The following CUL1 variants were observed in gnomAD, a reference collection of about 807,000 sequenced individuals.
CUL1 encodes the protein cullin 1, also known as cullin-1.
A neutral mutation model predicts 118.0 loss-of-function variants in CUL1; 24 were observed. That is an observed-to-expected ratio of 0.20 (90% CI 0.15 to 0.29). The LOEUF is 0.29. Ranked by LOEUF, CUL1 falls within the 10% of genes least tolerant of loss-of-function variation. CUL1 has a pLI of 1.00. For synonymous variants in CUL1, 332 were observed against 340.4 expected (o/e 0.98, Z 0.27); for missense variants, 361 against 933.8 (o/e 0.39, Z 7.99).
intron 9 of CUL1, among the ~76,000 whole-genome samples, chr7:148,771,103 ATG>A (rs1800195574): frequency 6.6e-6 from 1 of 152,194 alleles, no homozygotes; most frequent in Admixed American, 6.5e-5. Context: ...AAGTGCAAAA[ATG>A]TGTAATATCA....
At chr7:148,731,972 A>G (rs1798778205) in intron 2 of CUL1, among the ~76,000 whole-genome samples, 1 of 152,186 alleles carries the variant, frequency 6.6e-6, no homozygotes. Context: ...ATACCACTGT[A>G]AACATTGTGT....
chr7:148,759,333 G>T lies in CUL1; in HGVS notation c.513G>T (p.Leu171=). Residue 171 remains leucine (L), a synonymous_variant, in exon 5 of 22, where the codon CTG becomes CTT. Coordinates refer to ENST00000325222, the MANE Select transcript of CUL1 (RefSeq NM_003592.3). ...CATTGGTGACTTGGAGAGACTGTCT[G>T]TTCAGGCCACTGAATAAACAGGTAC... The part of the protein sequence containing the change: ...SLALVTWRDC[L]FRPLNKQVTN... 1.2e-6 allele frequency: 2 copies of T among 1,614,006 alleles called. No homozygotes were observed. The highest frequency in any genetic ancestry group is 2.7e-5 in the African/African-American group (2 of 75,038).
intron 2 of CUL1, among the ~76,000 whole-genome samples, chr7:148,740,301 T>C (rs1389045901): frequency 1.3e-5 from 2 of 152,168 alleles, no homozygotes; most frequent in Non-Finnish European, 2.9e-5. Flanking sequence ...GTAATCCACC[T>C]ACCTCGGCCT....
chr7:148,798,054 C>A, intron 19 of CUL1, 35 bp downstream of exon 19: 1 of 1,263,868 alleles, frequency 7.9e-7, no homozygotes, highest in African/African-American at 1.5e-5. Context: ...GGCCCTTGAC[C>A]ATAGACACGT....
chr7:148,799,376 C>T lies in CUL1; in HGVS notation c.2238C>T (p.Val746=). The T allele has an allele frequency of 6.2e-7, 1 of 1,608,794 alleles. No homozygotes were observed. The highest frequency in any genetic ancestry group is 8.5e-7 in the Non-Finnish European group (1 of 1,175,154). ...TQLSSRFKPR[V]PVIKKCIDIL... is the part of the protein sequence containing the mutation. ...TGTCCTCCAGGTTCAAACCTCGAGTCCCTGTGATCAAGGTACAGGACTTTA... is the reference window on the plus strand; with the variant it reads ...TGTCCTCCAGGTTCAAACCTCGAGTTCCTGTGATCAAGGTACAGGACTTTA... Residue 746 remains valine (V), a synonymous_variant, in exon 21 of 22, where the codon GTC becomes GTT. Transcript: ENST00000325222.
At chr7:148,755,813 C>A (rs243480) in intron 3 of CUL1, among the ~76,000 whole-genome samples, 37,289 of 152,100 alleles carry the variant, frequency 0.25, 5,481 homozygotes, top group South Asian at 0.35. Context: ...AAGAGATGAT[C>A]CGGTTTTTAC....
chr7:148,703,207 A>G (rs1797773786), intron 1 of CUL1, among the ~76,000 whole-genome samples: 1 of 152,240 alleles, frequency 6.6e-6, no homozygotes, highest in Non-Finnish European at 1.5e-5. Flanking sequence ...GGCAGAATTC[A>G]TTATGCAGAA....
chr7:148,772,137 G>A (rs561938346), intron 9 of CUL1, among the ~76,000 whole-genome samples: 18 of 152,192 alleles, frequency 1.2e-4, no homozygotes, highest in South Asian at 4.1e-4. Flanking sequence ...ATTCAGGTCC[G>A]GGCGCAGTGG....
At chr7:148,718,689 T>C (rs145753968) in intron 1 of CUL1, among the ~76,000 whole-genome samples, 24 of 149,656 alleles carry the variant, frequency 1.6e-4, no homozygotes, top group Admixed American at 8.7e-4. Context: ...CTGTGAACAT[T>C]CATGTACAAG....
intron 2 of CUL1, among the ~76,000 whole-genome samples, chr7:148,733,267 G>C (rs115197724): frequency 0.012 from 1,815 of 152,270 alleles, 37 homozygotes; most frequent in African/African-American, 0.041. Flanking sequence ...CAATGTATTA[G>C]GGTAGAAGTG....
At chr7:148,702,200 CAG>C (rs1403632703) in intron 1 of CUL1, among the ~76,000 whole-genome samples, 1 of 152,134 alleles carries the variant, frequency 6.6e-6, no homozygotes, top group African/African-American at 2.4e-5. Flanking sequence ...ACACTATAAA[CAG>C]AATTATTATA....
At chr7:148,748,471 C>G (rs1381065789) in intron 2 of CUL1, among the ~76,000 whole-genome samples, 1 of 152,006 alleles carries the variant, frequency 6.6e-6, no homozygotes, top group Non-Finnish European at 1.5e-5. Flanking sequence ...TACAGGTTAC[C>G]AGGAATATAA....
At position 148,767,051 on chromosome 7, in the gene CUL1, A is replaced by G. The variant is rs555609130; in HGVS notation, c.952+328A>G. On this transcript the variant is annotated intron_variant, in intron 8 of 21. Coordinates refer to ENST00000325222, the MANE Select transcript of CUL1 (RefSeq NM_003592.3). Reference sequence around the variant, plus strand: ...TCTTATATTTCCCTTAACCACTCCCATGTTTTACTGGGGCATGTTAGGAGC... The same window carrying G: ...TCTTATATTTCCCTTAACCACTCCCGTGTTTTACTGGGGCATGTTAGGAGC... Among the ~76,000 whole-genome samples, 11 of 152,204 alleles carry G rather than the reference A, an allele frequency of 7.2e-5. No individual in the cohort carries two copies. In the South Asian group the frequency reaches 8.3e-4, roughly 11 times the overall value.
chr7:148,772,276 G>A (rs1200856304), intron 9 of CUL1, among the ~76,000 whole-genome samples: 5 of 152,084 alleles, frequency 3.3e-5, no homozygotes, highest in Admixed American at 1.3e-4. Flanking sequence ...TTAGCCGGGC[G>A]TGTTAGCAGG....
intron 3 of CUL1, among the ~76,000 whole-genome samples, chr7:148,755,933 C>T (rs889306796): frequency 2.1e-4 from 32 of 152,200 alleles, no homozygotes; most frequent in African/African-American, 7.2e-4. Context: ...GTGGGCTCGC[C>T]CCAGCCCTTC....
chr7:148,733,348 T>C (rs1344275716), intron 2 of CUL1, among the ~76,000 whole-genome samples: 3 of 152,260 alleles, frequency 2.0e-5, no homozygotes, highest in Non-Finnish European at 4.4e-5. Flanking sequence ...CCCCTAACTC[T>C]TCACATATCT....
chr7:148,750,320 T>C lies in CUL1; in HGVS notation c.141-3656T>C, dbSNP rs535678539. Among the ~76,000 whole-genome samples, 12 of 151,050 alleles carry C rather than the reference T, an allele frequency of 7.9e-5. No homozygotes were observed. In the East Asian group the frequency reaches 2.4e-3, roughly 30 times the overall value. ...TTTTTTTTTTTTTTTTAAATTATAC[T>C]TTAAGTTCTAGGGTACATATGCACA... On this transcript the variant is annotated intron_variant, in intron 2 of 21. Coordinates refer to ENST00000325222, the MANE Select transcript of CUL1 (RefSeq NM_003592.3).
intron 14 of CUL1, 23 bp from the exon 15 acceptor site, chr7:148,789,727 C>T (rs747543868): frequency 2.5e-6 from 4 of 1,601,610 alleles, no homozygotes; most frequent in Non-Finnish European, 3.4e-6. Flanking sequence ...AATGTTCACT[C>T]TCCCCTCTCT....
At chr7:148,699,220 G>A (rs1311287945) in intron 1 of CUL1, among the ~76,000 whole-genome samples, 191 bp downstream of exon 1, 1 of 151,994 alleles carries the variant, frequency 6.6e-6, no homozygotes, top group African/African-American at 2.4e-5. Flanking sequence ...GGCGGAGGAC[G>A]CCGAAGGTGG....
Sources: gnomAD v4.1 joint callset for allele counts (sites outside exome capture counted in the v4.1 genomes callset) on GRCh38, gnomAD v4.1.1 for gene constraint, MANE v1.5 for transcripts, NCBI Gene and HGNC (gene_info 2026-07-23, HGNC 2026-07-21) for gene names.